SGIP1: variants seen among roughly 807,000 people sequenced by gnomAD.
SGIP1 encodes SH3GL interacting endocytic adaptor 1.
A neutral mutation model predicts 107.5 loss-of-function variants in SGIP1; 38 were observed. The ratio of observed to expected loss-of-function variants is 0.35; its 90% confidence interval spans 0.27 to 0.46. The LOEUF (loss-of-function observed/expected upper bound fraction) is 0.46. SGIP1 is among the 20% of genes least tolerant of loss of function. The pLI is 1.00. For synonymous variants in SGIP1, 365 were observed against 366.1 expected, an observed-to-expected ratio of 1.00 and a Z score of 0.03; for missense variants, 929 against 1,019.5, an observed-to-expected ratio of 0.91 and a Z score of 1.21.
chr1:66,587,037 T>C (rs1231285728), intron 1 of SGIP1, among the ~76,000 whole-genome samples: 1 of 152,132 alleles, frequency 6.6e-6, no homozygotes, highest in African/African-American at 2.4e-5. Flanking sequence ...GTCTCCACAG[T>C]GTCTGATAAG....
chr1:66,636,516 G>A (rs1047498786), intron 4 of SGIP1, among the ~76,000 whole-genome samples: 2 of 152,168 alleles, frequency 1.3e-5, no homozygotes, highest in African/African-American at 4.8e-5. Flanking sequence ...CATTATGGTA[G>A]CCACATGTGA....
chr1:66,668,607 A>G (rs909388377), intron 9 of SGIP1, among the ~76,000 whole-genome samples: 2 of 152,192 alleles, frequency 1.3e-5, no homozygotes, highest in African/African-American at 2.4e-5. Flanking sequence ...CACTCTCTGA[A>G]ATATCCCTAG....
At chr1:66,570,891 C>T (rs1569598904) in intron 1 of SGIP1, among the ~76,000 whole-genome samples, 1 of 151,894 alleles carries the variant, frequency 6.6e-6, no homozygotes, top group African/African-American at 2.4e-5. Flanking sequence ...ACTTCATCTC[C>T]CCTATAAGAC....
At position 66,548,244 on chromosome 1, in the gene SGIP1, G is replaced by T. The variant is rs141496893; in HGVS notation, c.10+13876G>T. On this transcript the variant is annotated intron_variant, in intron 1 of 24. Transcript: ENST00000371037. Reference sequence around the variant, plus strand: ...TTTTTATTTTTTATTTTATTTTTTTGAGGAGGAGGAGGGATTGTCTTGAAT... The same window carrying T: ...TTTTTATTTTTTATTTTATTTTTTTTAGGAGGAGGAGGGATTGTCTTGAAT... 1.6e-3 allele frequency among the ~76,000 whole-genome samples: 237 copies of T among 151,922 alleles called. 2 individuals are homozygous for T. Among genetic ancestry groups the T allele is most frequent in the African/African-American group, 5.2e-3 (217 of 41,458 alleles).
At chr1:66,715,433 T>G (rs937127398) in intron 18 of SGIP1, among the ~76,000 whole-genome samples, 11 of 151,060 alleles carry the variant, frequency 7.3e-5, no homozygotes, top group African/African-American at 2.7e-4. Context: ...AGGACTATAG[T>G]GCCCAGAAGT....
intron 1 of SGIP1, among the ~76,000 whole-genome samples, chr1:66,623,095 C>T (rs974584476): frequency 1.3e-5 from 2 of 152,180 alleles, no homozygotes; most frequent in Middle Eastern, 3.2e-3. Context: ...AATTTTAACA[C>T]AGTTGGTGTG....
chr1:66,709,688 A>G (rs2092780074), intron 18 of SGIP1, among the ~76,000 whole-genome samples: 1 of 152,174 alleles, frequency 6.6e-6, no homozygotes. Flanking sequence ...GGACAGGAGA[A>G]GCCAAGGCAG....
At chr1:66,630,849 A>AG (rs1558133224) in intron 2 of SGIP1, among the ~76,000 whole-genome samples, 20 of 29,314 alleles carry the variant, frequency 6.8e-4, no homozygotes, top group African/African-American at 1.5e-3. Flanking sequence ...GAAAGAAAGA[A>AG]AGAAAGAAAG....
At chr1:66,567,003 C>T (rs1297261725) in intron 1 of SGIP1, among the ~76,000 whole-genome samples, 1 of 152,032 alleles carries the variant, frequency 6.6e-6, no homozygotes, top group African/African-American at 2.4e-5. Context: ...AGGATGATGG[C>T]TCCCAGCTTC....
At chr1:66,533,868 T>A (rs1229148438), upstream of SGIP1, among the ~76,000 whole-genome samples, 2 of 151,746 alleles carry the variant, frequency 1.3e-5, no homozygotes, top group Non-Finnish European at 2.9e-5. Flanking sequence ...TGATAACTAA[T>A]CTCGGGCACC....
intron 18 of SGIP1, among the ~76,000 whole-genome samples, chr1:66,703,366 T>C (rs997664329): frequency 1.3e-5 from 2 of 152,144 alleles, no homozygotes; most frequent in Non-Finnish European, 1.5e-5. Flanking sequence ...GACTCTACCC[T>C]GAAGCAATAT....
At chr1:66,729,190 T>A (rs2093898072) in intron 19 of SGIP1, 74 bp from the exon 20 acceptor site, 2 of 1,552,804 alleles carry the variant, frequency 1.3e-6, no homozygotes, top group African/African-American at 2.7e-5. Context: ...ATAAATTGTT[T>A]TTCACAGCAG....
At chr1:66,740,967 C>G (rs2094430955) in intron 23 of SGIP1, among the ~76,000 whole-genome samples, 1 of 152,208 alleles carries the variant, frequency 6.6e-6, no homozygotes, top group African/African-American at 2.4e-5. Flanking sequence ...TGTTTCCATC[C>G]TGTGTCAGAT....
intron 1 of SGIP1, among the ~76,000 whole-genome samples, chr1:66,559,801 T>C (rs1007016692): frequency 6.6e-6 from 1 of 152,050 alleles, no homozygotes; most frequent in African/African-American, 2.4e-5. Context: ...TCCAACCCAG[T>C]TATTTAGCCG....
intron 18 of SGIP1, among the ~76,000 whole-genome samples, chr1:66,699,704 C>G (rs2091579775): frequency 6.6e-6 from 1 of 152,122 alleles, no homozygotes; most frequent in Non-Finnish European, 1.5e-5. Flanking sequence ...CTAGCACTGT[C>G]CTGGGCACTC....
intron 18 of SGIP1, among the ~76,000 whole-genome samples, chr1:66,716,987 C>T (rs2093282955): frequency 6.6e-6 from 1 of 152,050 alleles, no homozygotes; most frequent in Non-Finnish European, 1.5e-5. Context: ...GAAGGTGGAC[C>T]TCCTTCCTTC....
chr1:66,639,071 A>G (rs1490194830), intron 4 of SGIP1, among the ~76,000 whole-genome samples: 1 of 152,204 alleles, frequency 6.6e-6, no homozygotes, highest in African/African-American at 2.4e-5. Context: ...TAGGGGACAA[A>G]GAAAACTTTA....
Position 66,739,110 on chromosome 1 carries a change from G to A in SGIP1, c.2032-225G>A, listed in dbSNP as rs567340878. Among the ~76,000 whole-genome samples, 65 of 151,952 alleles carry A rather than the reference G, an allele frequency of 4.3e-4. 1 individual carries two copies. The highest frequency in any genetic ancestry group is 1.5e-3 in the African/African-American group (64 of 41,442). On this transcript the variant is annotated intron_variant, in intron 21 of 24. Coordinates refer to ENST00000371037, the MANE Select transcript of SGIP1 (RefSeq NM_032291.4). ...GCTATTCCACCTCCTTAACTGACAC[G>A]AAGTGTACTGAAAACTCCAAAGTGC... is the stretch of plus-strand genomic sequence containing the variant.
chr1:66,589,864 T>C (rs1213630797), intron 1 of SGIP1, among the ~76,000 whole-genome samples: 1 of 152,226 alleles, frequency 6.6e-6, no homozygotes, highest in Non-Finnish European at 1.5e-5. Context: ...TTAAGTCTCA[T>C]CTCTTCAATA....
Sources: allele counts gnomAD v4.1 joint callset (sites outside exome capture counted in the v4.1 genomes callset), GRCh38; gene constraint gnomAD v4.1.1; transcripts MANE v1.5; gene names NCBI Gene and HGNC (gene_info 2026-07-23, HGNC 2026-07-21).